The following CA1 variants were observed in gnomAD, a reference collection of about 807,000 sequenced individuals.
CA1 encodes carbonic anhydrase 1.
CA1 carries 27 observed loss-of-function variants against 28.8 expected under a neutral mutation model. The observed-to-expected ratio is 0.94, with a 90% CI of 0.69 to 1.29. The LOEUF (loss-of-function observed/expected upper bound fraction) is 1.29, where lower values mean the gene tolerates loss of function less well. CA1 is among the 50% of genes most tolerant of loss of function. The pLI, the probability that CA1 is intolerant of heterozygous loss-of-function variation, is 0.00. For missense variants in CA1, 335 were observed against 310.5 expected, an observed-to-expected ratio of 1.08 and a Z score of -0.59; for synonymous variants, 121 against 108.8, an observed-to-expected ratio of 1.11 and a Z score of -0.70.
chr8:85,361,224 C>G (rs2130344626), intron 1 of CA1, among the ~76,000 whole-genome samples: 1 of 152,246 alleles, frequency 6.6e-6, no homozygotes, highest in Admixed American at 6.5e-5. Flanking sequence ...TGACCCCTGG[C>G]TATCGATCTC....
chr8:85,366,529 G>A (rs1038206595), intron 1 of CA1, among the ~76,000 whole-genome samples: 1 of 152,174 alleles, frequency 6.6e-6, no homozygotes, highest in African/African-American at 2.4e-5. Flanking sequence ...TCCTGCGGAA[G>A]CACGAAGTAC....
At chr8:85,359,336 C>G (rs924670636) in intron 1 of CA1, among the ~76,000 whole-genome samples, 1 of 152,144 alleles carries the variant, frequency 6.6e-6, no homozygotes, top group Admixed American at 6.5e-5. Flanking sequence ...CATGAAACAT[C>G]CAAGAATTAA....
rs189632530 is a variant in CA1 at position 85,375,652 on chromosome 8, G to A, written c.-25+2394C>T. On this transcript the variant is annotated intron_variant, in intron 1 of 7. Coordinates refer to ENST00000523022, the MANE Select transcript of CA1 (RefSeq NM_001128831.4). ...AAATGAGTTTGTGTCTCTTGGAGAG[G>A]AATAAAATCCAGAGCACGGAGAAAG... Among the ~76,000 whole-genome samples the A allele has an allele frequency of 1.2e-3, 186 of 152,290 alleles. 1 individual carries two copies. The highest frequency in any genetic ancestry group is 4.2e-3 in the African/African-American group (176 of 41,544).
Position 85,329,684 on chromosome 8 carries a change from T to C in CA1, c.669+5A>G. On this transcript the variant is annotated splice_donor_5th_base_variant and intron_variant, in intron 7 of 7. Transcript: ENST00000523022. ...TTCCCAGTTCCCATTCATTCACAACTCTACCTGCTCTGAGCTGACACTGAT... is the reference window on the plus strand; with the variant it reads ...TTCCCAGTTCCCATTCATTCACAACCCTACCTGCTCTGAGCTGACACTGAT... 6.2e-7 allele frequency: 1 copy of C among 1,609,378 alleles called. No homozygotes were observed. Among genetic ancestry groups the C allele is most frequent in the Non-Finnish European group, 8.5e-7 (1 of 1,177,064 alleles).
At chr8:85,367,219 A>G (rs1044436534) in intron 1 of CA1, among the ~76,000 whole-genome samples, 1 of 152,154 alleles carries the variant, frequency 6.6e-6, no homozygotes, top group South Asian at 2.1e-4. Context: ...AACGATTTCT[A>G]TAGTTTCTAC....
At chr8:85,346,911 A>G (rs1200040165) in intron 1 of CA1, among the ~76,000 whole-genome samples, 2 of 152,232 alleles carry the variant, frequency 1.3e-5, no homozygotes, top group Non-Finnish European at 2.9e-5. Flanking sequence ...CTGAAATTCA[A>G]ACACTTGCTT....
rs1564024814 is a variant in CA1, at chr8:85,338,413, T to C, written c.74A>G (p.Asn25Ser). 1.9e-6 allele frequency: 3 copies of C among 1,613,978 alleles called. No homozygotes were observed. Among genetic ancestry groups the C allele is most frequent in the Non-Finnish European group, 2.5e-6 (3 of 1,179,916 alleles). ...ATCAACAGGGGACTGGTTATTTCCA[T>C]TGGCAATGGGATACAGCTTGCTCCA... ...EQWSKLYPIA[N>S]GNNQSPVDIK... Residue 25 changes from asparagine (N) to serine (S), a missense_variant, in exon 3 of 8, where the codon AAT (asparagine) becomes AGT (serine). By Grantham distance (46) the Asn-to-Ser change is conservative. Coordinates refer to ENST00000523022, the MANE Select transcript of CA1 (RefSeq NM_001128831.4).
At chr8:85,339,847 C>T (rs1808843270) in intron 2 of CA1, among the ~76,000 whole-genome samples, 1 of 152,204 alleles carries the variant, frequency 6.6e-6, no homozygotes, top group South Asian at 2.1e-4. Flanking sequence ...TAAGCCGAAT[C>T]CTAATGAGAG....
chr8:85,374,548 A>T (rs2130416440), intron 1 of CA1, among the ~76,000 whole-genome samples: 1 of 152,330 alleles, frequency 6.6e-6, no homozygotes, highest in Admixed American at 6.5e-5. Context: ...AATCGTACGT[A>T]AGACATTATC....
chr8:85,365,030 G>A (rs1809951423), intron 1 of CA1, among the ~76,000 whole-genome samples: 1 of 152,200 alleles, frequency 6.6e-6, no homozygotes, highest in Admixed American at 6.5e-5. Context: ...ATGAGATGGG[G>A]AGGTGGGTGG....
At chr8:85,338,848 G>A (rs1472032797) in intron 2 of CA1, among the ~76,000 whole-genome samples, 4 of 150,920 alleles carry the variant, frequency 2.7e-5, no homozygotes, top group African/African-American at 2.4e-5. Flanking sequence ...CAAGTAGCTG[G>A]GATTACAGGA....
In CA1 at chr8:85,338,466, G is replaced by A. The variant is rs1429317524; in HGVS notation, c.38-17C>T. The A allele has an allele frequency of 5.0e-6, 8 of 1,606,118 alleles. No individual in the cohort carries two copies. The highest frequency in any genetic ancestry group is 6.8e-6 in the Non-Finnish European group (8 of 1,173,036). On this transcript the variant is annotated splice_polypyrimidine_tract_variant and intron_variant, in intron 2 of 7. Transcript: ENST00000523022. ...GTTCAGGACCTACCAGGACAAACAC[G>A]TGTAAAATCAATGTCTTATCAAATG...
At chr8:85,367,163 A>T (rs1810038924) in intron 1 of CA1, among the ~76,000 whole-genome samples, 1 of 152,066 alleles carries the variant, frequency 6.6e-6, no homozygotes, top group Admixed American at 6.5e-5. Flanking sequence ...CAATATTTTA[A>T]TAAAATCTTG....
At chr8:85,376,808 G>T (rs1398354294) in intron 1 of CA1, among the ~76,000 whole-genome samples, 1 of 152,102 alleles carries the variant, frequency 6.6e-6, no homozygotes, top group Non-Finnish European at 1.5e-5. Context: ...TTGACTTTCG[G>T]GTCGTGTAGA....
At chr8:85,331,614 G>C (rs982667009) in intron 6 of CA1, among the ~76,000 whole-genome samples, 3 of 151,734 alleles carry the variant, frequency 2.0e-5, no homozygotes, top group African/African-American at 7.3e-5. Context: ...GCGCCACCAC[G>C]CCCAGCTAAT....
intron 1 of CA1, among the ~76,000 whole-genome samples, chr8:85,363,106 T>G (rs1809863765): frequency 6.6e-6 from 1 of 152,220 alleles, no homozygotes; most frequent in African/African-American, 2.4e-5. Context: ...ACTTATAATT[T>G]AAAGAAAAAG....
intron 1 of CA1, among the ~76,000 whole-genome samples, chr8:85,347,164 G>A (rs1057269144): frequency 6.1e-4 from 93 of 152,236 alleles, no homozygotes; most frequent in African/African-American, 2.1e-3. Context: ...TCAAAGATTA[G>A]ATTTCTAAAA....
intron 1 of CA1, among the ~76,000 whole-genome samples, chr8:85,368,072 T>C (rs989131274): frequency 6.6e-6 from 1 of 151,842 alleles, no homozygotes; most frequent in African/African-American, 2.4e-5. Flanking sequence ...AGACAATAAA[T>C]AAAAACAAAA....
intron 1 of CA1, among the ~76,000 whole-genome samples, chr8:85,352,630 G>T (rs992013724): frequency 3.3e-5 from 5 of 150,030 alleles, no homozygotes; most frequent in African/African-American, 1.2e-4. Flanking sequence ...CCCCTGCTCT[G>T]CCCAGCCCCT....
Sources: gnomAD v4.1 joint callset for allele counts (sites outside exome capture counted in the v4.1 genomes callset) on GRCh38, gnomAD v4.1.1 for gene constraint, MANE v1.5 for transcripts, NCBI Gene and HGNC (gene_info 2026-07-23, HGNC 2026-07-21) for gene names.